Variants in ST3GAL3 observed in about 807,000 individuals in gnomAD.
ST3GAL3 encodes CMP-N-acetylneuraminate-beta-1,4-galactoside alpha-2,3-sialyltransferase.
A neutral mutation model predicts 50.1 loss-of-function variants in ST3GAL3; 21 were observed. The observed-to-expected ratio is 0.42, with a 90% CI of 0.30 to 0.60. The LOEUF is 0.60. Ranked by LOEUF, ST3GAL3 falls within the 20% of genes least tolerant of loss-of-function variation. ST3GAL3 has a pLI of 0.19. For missense variants in ST3GAL3, 353 were observed against 489.4 expected, an observed-to-expected ratio of 0.72 and a Z score of 2.63; for synonymous variants, 183 against 190.0, an observed-to-expected ratio of 0.96 and a Z score of 0.30.
chr1:43,766,378 G>A (rs1364113651), intron 2 of ST3GAL3, among the ~76,000 whole-genome samples: 2 of 152,014 alleles, frequency 1.3e-5, no homozygotes, highest in Non-Finnish European at 2.9e-5. Flanking sequence ...ATGAGATGAA[G>A]TGTTTCAGAG....
chr1:43,713,554 C>T (rs1322075796), intron 1 of ST3GAL3, among the ~76,000 whole-genome samples: 1 of 112,292 alleles, frequency 8.9e-6, no homozygotes, highest in African/African-American at 3.3e-5. Flanking sequence ...GAGAAAAGTA[C>T]TCACTCTATC....
intron 5 of ST3GAL3, among the ~76,000 whole-genome samples, chr1:43,873,845 T>A (rs2073531762): frequency 6.6e-6 from 1 of 151,992 alleles, no homozygotes; most frequent in South Asian, 2.1e-4. Flanking sequence ...CAGGGGAATA[T>A]AGCAGTGTGT....
chr1:43,878,328 C>T (rs900293678), intron 5 of ST3GAL3, among the ~76,000 whole-genome samples: 3 of 152,154 alleles, frequency 2.0e-5, no homozygotes, highest in African/African-American at 7.2e-5. Flanking sequence ...ACCAGAAAAA[C>T]ACAAGCAATA....
At chr1:43,761,483 T>G (rs1690315706) in intron 2 of ST3GAL3, among the ~76,000 whole-genome samples, 1 of 151,966 alleles carries the variant, frequency 6.6e-6, no homozygotes, top group African/African-American at 2.4e-5. Flanking sequence ...AGGGACTTGT[T>G]TTATAATAAT....
chr1:43,921,783 G>A (rs960603062), intron 11 of ST3GAL3: 34 of 398,764 alleles, frequency 8.5e-5, no homozygotes, highest in Non-Finnish European at 1.2e-4. Context: ...TGAAGCCACA[G>A]AGGGGACTCT....
chr1:43,921,416 C>T (rs1296302604), intron 11 of ST3GAL3: 1 of 407,910 alleles, frequency 2.5e-6, no homozygotes, highest in East Asian at 3.5e-5. Context: ...TGTCAGCCAG[C>T]CTTTTCTGGC....
intron 2 of ST3GAL3, among the ~76,000 whole-genome samples, chr1:43,762,630 A>G (rs1249791697): frequency 6.6e-6 from 1 of 152,188 alleles, no homozygotes; most frequent in Non-Finnish European, 1.5e-5. Flanking sequence ...TAACAAGAGG[A>G]CGGGGAAGTT....
At chr1:43,892,169 C>G (rs1243534454) in intron 5 of ST3GAL3, among the ~76,000 whole-genome samples, 1 of 152,242 alleles carries the variant, frequency 6.6e-6, no homozygotes, top group Non-Finnish European at 1.5e-5. Flanking sequence ...TCTCAAACTC[C>G]TGACCTCAGG....
chr1:43,848,188 A>G (rs1209627706), intron 5 of ST3GAL3, among the ~76,000 whole-genome samples: 1 of 146,880 alleles, frequency 6.8e-6, no homozygotes, highest in East Asian at 2.0e-4. Flanking sequence ...TCTTACCTAT[A>G]TTCCTTTGTA....
chr1:43,862,157 G>C (rs879813355), intron 5 of ST3GAL3, among the ~76,000 whole-genome samples: 2 of 152,168 alleles, frequency 1.3e-5, no homozygotes, highest in Non-Finnish European at 2.9e-5. Flanking sequence ...CCCTCCAAAG[G>C]GGCCTGGACA....
At chr1:43,868,979 C>T (rs2071990974) in intron 5 of ST3GAL3, among the ~76,000 whole-genome samples, 1 of 152,146 alleles carries the variant, frequency 6.6e-6, no homozygotes, top group African/African-American at 2.4e-5. Context: ...CAGCTGAACC[C>T]ACAGCCTTGG....
At chr1:43,747,065 C>T (rs915523707) in intron 2 of ST3GAL3, among the ~76,000 whole-genome samples, 6 of 151,966 alleles carry the variant, frequency 3.9e-5, no homozygotes, top group Admixed American at 2.6e-4. Context: ...TGCGCCTGGC[C>T]TAAAATGGTA....
At chr1:43,882,705 A>G (rs2075343057) in intron 5 of ST3GAL3, among the ~76,000 whole-genome samples, 1 of 152,230 alleles carries the variant, frequency 6.6e-6, no homozygotes, top group Non-Finnish European at 1.5e-5. Context: ...TTGTAGGTCA[A>G]AAGCAGCCAT....
chr1:43,882,065 A>G (rs1017975365), intron 5 of ST3GAL3, among the ~76,000 whole-genome samples: 1 of 152,238 alleles, frequency 6.6e-6, no homozygotes, highest in African/African-American at 2.4e-5. Flanking sequence ...GGAACTGGGC[A>G]ATAACATTAG....
intron 2 of ST3GAL3, among the ~76,000 whole-genome samples, chr1:43,785,673 A>G (rs939336442): frequency 5.3e-5 from 8 of 152,132 alleles, no homozygotes; most frequent in Non-Finnish European, 1.5e-5. Flanking sequence ...AGGGCCCAGC[A>G]TCTAGCGCAG....
At chr1:43,757,367 G>T (rs1452675572) in intron 2 of ST3GAL3, among the ~76,000 whole-genome samples, 1 of 152,108 alleles carries the variant, frequency 6.6e-6, no homozygotes, top group Non-Finnish European at 1.5e-5. Context: ...TTTTGAAAAA[G>T]AACAAAGTTG....
chr1:43,880,489 G>A (rs373065562), intron 5 of ST3GAL3, among the ~76,000 whole-genome samples: 45 of 151,744 alleles, frequency 3.0e-4, no homozygotes, highest in African/African-American at 9.7e-4. Context: ...CTCTCCTCCC[G>A]GGCTTCATTC....
At chr1:43,881,470 G>A (rs2075117135) in intron 5 of ST3GAL3, among the ~76,000 whole-genome samples, 1 of 152,240 alleles carries the variant, frequency 6.6e-6, no homozygotes, top group African/African-American at 2.4e-5. Flanking sequence ...CATCAACCAG[G>A]CTCTTCCTGA....
chr1:43,785,163 C>T (rs1008747967), intron 2 of ST3GAL3, among the ~76,000 whole-genome samples: 2 of 152,110 alleles, frequency 1.3e-5, no homozygotes, highest in African/African-American at 4.8e-5. Flanking sequence ...GACTAAAAAA[C>T]AAGAAACAGG....
Sources: allele counts gnomAD v4.1 joint callset (sites outside exome capture counted in the v4.1 genomes callset), GRCh38; gene constraint gnomAD v4.1.1; transcripts MANE v1.5; gene names NCBI Gene and HGNC (gene_info 2026-07-23, HGNC 2026-07-21).